PON3: variants seen among roughly 807,000 people sequenced by gnomAD.
PON3 encodes paraoxonase 3, also known as serum paraoxonase/lactonase 3.
PON3 carries 37 observed loss-of-function variants against 36.3 expected under a neutral mutation model. That is an observed-to-expected ratio of 1.02 (90% CI 0.78 to 1.34). The LOEUF is 1.34. PON3 is among the 40% of genes most tolerant of loss of function. The pLI is 0.00. For missense variants in PON3, 415 were observed against 426.5 expected (o/e 0.97, Z 0.24); for synonymous variants, 155 against 154.8 (o/e 1.00, Z -0.01).
At chr7:95,377,234 T>A (rs1808939562) in intron 3 of PON3, among the ~76,000 whole-genome samples, 1 of 152,152 alleles carries the variant, frequency 6.6e-6, no homozygotes, top group South Asian at 2.1e-4. Context: ...TAGGCGGTTT[T>A]GTGCTCACAG....
chr7:95,395,404 A>T (rs1400053401), intron 1 of PON3, among the ~76,000 whole-genome samples: 2 of 152,214 alleles, frequency 1.3e-5, no homozygotes, highest in African/African-American at 4.8e-5. Flanking sequence ...ATTTAAAAAA[A>T]TACCCTTAGA....
chr7:95,390,555 C>G (rs912824990), intron 2 of PON3, among the ~76,000 whole-genome samples: 1 of 152,136 alleles, frequency 6.6e-6, no homozygotes, highest in African/African-American at 2.4e-5. Context: ...TAGAAGGCTG[C>G]TCTATAGACT....
Position 95,363,959 on chromosome 7 carries a change from C to T in PON3, c.599G>A (p.Arg200His), listed in dbSNP as rs776771387. The change falls in exon 6 of 9, where the codon CGC (arginine) becomes CAC (histidine). Residue 200 changes from arginine (R) to histidine (H), a missense_variant. By Grantham distance (29) the Arg-to-His change is conservative (BLOSUM62 0). Coordinates refer to ENST00000265627, the MANE Select transcript of PON3 (RefSeq NM_000940.3). ...LSFFEMILDL[R>H]WTYVLFYSPR... ...GCTGTAGAAAAGAACATAAGTCCAGCGAAGATCCAAGATCATCTCAAAAAA... is the reference window on the plus strand; with the variant it reads ...GCTGTAGAAAAGAACATAAGTCCAGTGAAGATCCAAGATCATCTCAAAAAA... The T allele has an allele frequency of 8.1e-6, 13 of 1,613,626 alleles. No individual in the cohort carries two copies. Among genetic ancestry groups the T allele is most frequent in the Admixed American group, 5.0e-5 (3 of 59,976 alleles).
At chr7:95,394,182 C>A (rs528987277) in intron 2 of PON3, among the ~76,000 whole-genome samples, 1 of 152,116 alleles carries the variant, frequency 6.6e-6, no homozygotes, top group African/African-American at 2.4e-5. Flanking sequence ...CAGGTGTGAG[C>A]CACTGCGCCC....
At chr7:95,396,209 C>A in intron 1 of PON3, 68 bp downstream of exon 1, 1 of 1,531,642 alleles carries the variant, frequency 6.5e-7, no homozygotes, top group Non-Finnish European at 9.1e-7. Context: ...GGGCGCCAGG[C>A]AGCCCCTGAC....
rs1809098865 is a variant in PON3, at chr7:95,383,077, T to C, written c.201+7077A>G. ...ACAAATCAATAAATGTAATTCGGCA[T>C]ATAAACAGAACTGAAGATAAAAACC... is the stretch of plus-strand genomic sequence containing the variant. On this transcript the variant is annotated intron_variant, in intron 3 of 8. Coordinates refer to ENST00000265627, the MANE Select transcript of PON3 (RefSeq NM_000940.3). 2.0e-5 allele frequency among the ~76,000 whole-genome samples: 3 copies of C among 152,150 alleles called. No homozygotes were observed. In the South Asian group the frequency reaches 6.2e-4, roughly 31 times the overall value.
intron 8 of PON3, among the ~76,000 whole-genome samples, chr7:95,360,418 C>A (rs563885556): frequency 6.6e-6 from 1 of 152,196 alleles, no homozygotes; most frequent in African/African-American, 2.4e-5. Context: ...TTATTTAGTT[C>A]TCAAGTGGAT....
chr7:95,393,471 C>T (rs1424738740), intron 2 of PON3, among the ~76,000 whole-genome samples: 1 of 152,158 alleles, frequency 6.6e-6, no homozygotes, highest in Non-Finnish European at 1.5e-5. Context: ...AACATATTCC[C>T]AGAACAGGGA....
At chr7:95,390,473 C>T (rs753033857) in intron 2 of PON3, among the ~76,000 whole-genome samples, 91 of 152,100 alleles carry the variant, frequency 6.0e-4, no homozygotes, top group Non-Finnish European at 1.2e-4. Context: ...AGAAAATAAA[C>T]TCATATCCTA....
At chr7:95,369,252 A>G (rs1808759466) in intron 4 of PON3, among the ~76,000 whole-genome samples, 1 of 152,208 alleles carries the variant, frequency 6.6e-6, no homozygotes, top group Non-Finnish European at 1.5e-5. Context: ...GACTCTCAGA[A>G]TCCAGCAATG....
chr7:95,381,529 CA>C (rs1809054551), intron 3 of PON3, among the ~76,000 whole-genome samples: 1 of 151,606 alleles, frequency 6.6e-6, no homozygotes, highest in Admixed American at 6.6e-5. Context: ...AAATGGAAAA[CA>C]AAAAAAGGCA....
chr7:95,372,299 C>G lies in PON3; in HGVS notation c.241G>C (p.Glu81Gln). 1 of 1,613,914 alleles carries G rather than the reference C, an allele frequency of 6.2e-7. No individual in the cohort carries two copies. Among genetic ancestry groups the G allele is most frequent in the Non-Finnish European group, 8.5e-7 (1 of 1,179,882 alleles). Residue 81 changes from glutamate to glutamine, a missense_variant, in exon 4 of 9, where the codon GAA becomes CAA. Glu to Gln is a conservative substitution (Grantham distance 29). Transcript: ENST00000265627. ...TCCATCAAGAAGATTTTTCCTGGTTCATCTGGCGCAAAGTTTGGCATGCCT... is the reference window on the plus strand; with the variant it reads ...TCCATCAAGAAGATTTTTCCTGGTTGATCTGGCGCAAAGTTTGGCATGCCT... Reference protein sequence around the residue: ...YPGMPNFAPDEPGKIFLMDLN... With the variant: ...YPGMPNFAPDQPGKIFLMDLN...
intron 5 of PON3, chr7:95,365,210 T>C (rs989397847): frequency 3.9e-5 from 6 of 152,372 alleles, no homozygotes; most frequent in African/African-American, 1.4e-4. Context: ...TAGATCCTCA[T>C]AGCCTCACCT....
At chr7:95,389,797 G>C (rs899383372) in intron 3 of PON3, among the ~76,000 whole-genome samples, 9 of 152,210 alleles carry the variant, frequency 5.9e-5, no homozygotes, top group African/African-American at 1.2e-4. Flanking sequence ...TTAGTGGGAA[G>C]ATGACTACCA....
At chr7:95,394,301 G>T (rs1268507010) in intron 2 of PON3, among the ~76,000 whole-genome samples, 2 of 1,566 alleles carry the variant, frequency 1.3e-3, no homozygotes, top group East Asian at 0.25. Flanking sequence ...AAGGAAAGAA[G>T]AAAGAAGCAA....
rs1421711588 is a variant in PON3, at chr7:95,359,996, T to G, written c.1042A>C (p.Lys348Gln). The change falls in exon 9 of 9, where the codon AAA becomes CAA. Residue 348 changes from lysine to glutamine, a missense_variant. Coordinates refer to ENST00000265627, the MANE Select transcript of PON3 (RefSeq NM_000940.3). Reference protein sequence around the residue: ...GKILIGTVFHKTLYCEL With the variant: ...GKILIGTVFHQTLYCEL Reference sequence around the variant, plus strand: ...GTCTAGAGCTCACAGTACAGAGTTTTGTGAAATACGGTGCCTATGAGAATT... The same window carrying G: ...GTCTAGAGCTCACAGTACAGAGTTTGGTGAAATACGGTGCCTATGAGAATT... 6.2e-7 allele frequency: 1 copy of G among 1,613,648 alleles called. No homozygotes were observed. The highest frequency in any genetic ancestry group is 2.2e-5 in the East Asian group (1 of 44,866).
rs1459448737 is a variant in PON3 at position 95,384,310 on chromosome 7, TA to T, written c.201+5843del. ...TAGGCATGGGCAAAGACTTCATGAC[TA>T]AAACACCAAAAGCAATGGCAACAAA... On this transcript the variant is annotated intron_variant, in intron 3 of 8. Coordinates refer to ENST00000265627, the MANE Select transcript of PON3 (RefSeq NM_000940.3). Among the ~76,000 whole-genome samples, 4 of 152,160 alleles carry T rather than the reference TA, an allele frequency of 2.6e-5. No individual in the cohort carries two copies. The South Asian group carries it at 6.2e-4, about 24-fold the overall frequency.
intron 3 of PON3, 117 bp from the exon 4 acceptor site, chr7:95,372,455 T>C: frequency 8.8e-7 from 1 of 1,140,182 alleles, no homozygotes; most frequent in Non-Finnish European, 1.3e-6. Flanking sequence ...TTCATTTAGA[T>C]TACTGGGCTT....
rs939914138 is a variant in PON3 at position 95,394,701 on chromosome 7, C to T, written c.88G>A (p.Ala30Thr). 23 of 1,614,114 alleles carry T rather than the reference C, an allele frequency of 1.4e-5. No homozygotes were observed. The highest frequency in any genetic ancestry group is 2.2e-5 in the East Asian group (1 of 44,882). ...TCTACTGGCTCCACTTCTCGAGAGG[C>T]ATTCACCCTTTCTCTGTAGAAGATA... ...MFLAFRERVN[A>T]SREVEPVEPE... Residue 30 changes from alanine (A) to threonine (T), a missense_variant, in exon 2 of 9, where the codon GCC becomes ACC. Transcript: ENST00000265627.
Sources: gnomAD v4.1 joint callset for allele counts (sites outside exome capture counted in the v4.1 genomes callset) on GRCh38, gnomAD v4.1.1 for gene constraint, MANE v1.5 for transcripts, NCBI Gene and HGNC (gene_info 2026-07-23, HGNC 2026-07-21) for gene names.